IL20RB: variants seen among roughly 807,000 people sequenced by gnomAD.
IL20RB encodes interleukin 20 receptor subunit beta.
Under a neutral mutation model 33.3 loss-of-function variants are expected in IL20RB, and 21 were observed. The ratio of observed to expected loss-of-function variants is 0.63; its 90% CI spans 0.45 to 0.91. The LOEUF is 0.91. Ranked by LOEUF, IL20RB falls within the 40% of genes least tolerant of loss-of-function variation. IL20RB has a pLI of 0.00. For synonymous variants in IL20RB, 147 were observed against 146.8 expected (o/e 1.00, Z -0.01); for missense variants, 345 against 384.8 (o/e 0.90, Z 0.86).
At chr3:137,005,337 G>A (rs924425351) in intron 6 of IL20RB, among the ~76,000 whole-genome samples, 7 of 152,206 alleles carry the variant, frequency 4.6e-5, no homozygotes, top group Admixed American at 6.5e-5. Context: ...CTTCTGTCTC[G>A]TTGATCTGTC....
At chr3:136,970,774 T>G (rs1165968068) in intron 1 of IL20RB, among the ~76,000 whole-genome samples, 1 of 152,044 alleles carries the variant, frequency 6.6e-6, no homozygotes, top group East Asian at 1.9e-4. Context: ...TGCCTCAGCC[T>G]CCCCAGTAGC....
chr3:136,988,992 G>C (rs1941972591), intron 3 of IL20RB, among the ~76,000 whole-genome samples: 1 of 152,056 alleles, frequency 6.6e-6, no homozygotes, highest in South Asian at 2.1e-4. Context: ...ATAGGCATTT[G>C]GCAAGCATTA....
chr3:136,986,968 G>T (rs1941916351), intron 3 of IL20RB, among the ~76,000 whole-genome samples: 1 of 151,894 alleles, frequency 6.6e-6, no homozygotes, highest in Non-Finnish European at 1.5e-5. Context: ...GTTCCTCCTG[G>T]TGGGCTCGTG....
At chr3:136,987,582 C>T (rs568316222) in intron 3 of IL20RB, among the ~76,000 whole-genome samples, 112 of 152,348 alleles carry the variant, frequency 7.4e-4, no homozygotes, top group Admixed American at 7.2e-4. Context: ...CTGCGCCCTG[C>T]GTCCGCACTC....
chr3:137,002,636 T>C (rs1942269477), intron 6 of IL20RB, among the ~76,000 whole-genome samples: 1 of 152,068 alleles, frequency 6.6e-6, no homozygotes. Context: ...TTCTTGTAAA[T>C]TTGTTTGAGT....
intron 1 of IL20RB, chr3:136,959,506 T>C (rs1453757420): frequency 6.6e-6 from 1 of 152,230 alleles, no homozygotes; most frequent in Non-Finnish European, 1.5e-5. Context: ...GTTGGTTATT[T>C]AGTTGTTGGA....
chr3:136,993,962 G>A (rs1305925962), intron 5 of IL20RB, among the ~76,000 whole-genome samples: 9 of 151,198 alleles, frequency 6.0e-5, no homozygotes, highest in African/African-American at 2.2e-4. Flanking sequence ...GCAGTGAGCC[G>A]AGATTGCGCC....
At chr3:136,976,791 T>C (rs561581551) in intron 1 of IL20RB, among the ~76,000 whole-genome samples, 7 of 152,346 alleles carry the variant, frequency 4.6e-5, no homozygotes, top group Non-Finnish European at 5.9e-5. Flanking sequence ...GGTGCCTTGC[T>C]GTAACTGTTT....
intron 6 of IL20RB, among the ~76,000 whole-genome samples, chr3:137,001,054 C>T (rs1169316835): frequency 6.6e-6 from 1 of 152,176 alleles, no homozygotes; most frequent in Non-Finnish European, 1.5e-5. Flanking sequence ...GAAGAGTCCT[C>T]AACAGCTAAG....
Position 136,958,187 on chromosome 3 carries a change from C to T in IL20RB, c.74C>T (p.Pro25Leu). 1 of 1,602,474 alleles carries T rather than the reference C, an allele frequency of 6.2e-7. No individual in the cohort carries two copies. Among genetic ancestry groups the T allele is most frequent in the Non-Finnish European group, 8.6e-7 (1 of 1,169,500 alleles). Residue 25 changes from proline (P) to leucine (L), a missense_variant, in exon 1 of 7, where the codon CCA becomes CTA. By Grantham distance (98) the Pro-to-Leu change is moderately conservative. Transcript: ENST00000329582. ...LFMWFFYALI[P>L]CLLTDEVAIL... ...ATGTGGTTTTTCTACGCATTGATTC[C>T]ATGTTTGCTCACAGGTAAGTATGAA...
In IL20RB at chr3:136,973,212, T is replaced by C. The variant is rs1015564327; in HGVS notation, c.89-7254T>C. ...TTAAAAATTTGTTGGCTGGGCGCAG[T>C]GTCTCACGCCTGTAATCCCAGCACT... On this transcript the variant is annotated intron_variant, in intron 1 of 6. Transcript: ENST00000329582. 1.3e-5 allele frequency among the ~76,000 whole-genome samples: 2 copies of C among 152,028 alleles called. 1 individual carries two copies. Among genetic ancestry groups the C allele is most frequent in the South Asian group, 4.1e-4 (2 of 4,824 alleles).
intron 5 of IL20RB, among the ~76,000 whole-genome samples, chr3:136,995,211 A>G (rs144858630): frequency 2.0e-5 from 3 of 152,300 alleles, no homozygotes; most frequent in East Asian, 3.9e-4. Context: ...CTTTCTGGAA[A>G]CCATGCCTTC....
At chr3:136,994,439 G>T (rs983874796) in intron 5 of IL20RB, among the ~76,000 whole-genome samples, 1 of 152,104 alleles carries the variant, frequency 6.6e-6, no homozygotes, top group African/African-American at 2.4e-5. Context: ...ATAAAAAATT[G>T]CAGGAGTGGA....
intron 6 of IL20RB, among the ~76,000 whole-genome samples, chr3:137,001,764 A>G (rs2107719307): frequency 6.6e-6 from 1 of 152,230 alleles, no homozygotes; most frequent in South Asian, 2.1e-4. Context: ...TATATCACCA[A>G]GTAATAATCT....
chr3:137,002,203 T>C (rs1294579128), intron 6 of IL20RB, among the ~76,000 whole-genome samples: 1 of 152,196 alleles, frequency 6.6e-6, no homozygotes, highest in Non-Finnish European at 1.5e-5. Flanking sequence ...GTTCCAAGTC[T>C]TTGCTATTGT....
intron 1 of IL20RB, among the ~76,000 whole-genome samples, chr3:136,974,437 T>G (rs918733063): frequency 6.6e-6 from 1 of 152,194 alleles, no homozygotes; most frequent in Non-Finnish European, 1.5e-5. Context: ...AGGTTTTTCT[T>G]TTTTTCCTTT....
intron 1 of IL20RB, chr3:136,980,184 TATGTC>T: frequency 2.3e-6 from 1 of 437,412 alleles, no homozygotes; most frequent in Non-Finnish European, 4.2e-6. Flanking sequence ...TTAATATTGA[TATGTC>T]ATTTATCAAC....
chr3:136,995,366 T>C (rs1194386830), intron 5 of IL20RB, 48 bp from the exon 6 acceptor site: 2 of 1,606,146 alleles, frequency 1.2e-6, no homozygotes, highest in Non-Finnish European at 1.7e-6. Flanking sequence ...ATTGAAGTTT[T>C]AATCTTTGCT....
intron 6 of IL20RB, among the ~76,000 whole-genome samples, chr3:136,997,184 C>T (rs374349946): frequency 3.2e-4 from 49 of 151,792 alleles, no homozygotes; most frequent in Admixed American, 2.2e-3. Flanking sequence ...CTGCAACCTC[C>T]GCCTTCTGAG....
Sources: gnomAD v4.1 joint callset for allele counts (sites outside exome capture counted in the v4.1 genomes callset) on GRCh38, gnomAD v4.1.1 for gene constraint, MANE v1.5 for transcripts, NCBI Gene and HGNC (gene_info 2026-07-23, HGNC 2026-07-21) for gene names.